Variants in RGS5 observed in about 807,000 individuals in gnomAD.
RGS5 encodes regulator of G-protein signalling 5.
Under a neutral mutation model 18.9 loss-of-function variants are expected in RGS5, and 20 were observed. That is an observed-to-expected ratio of 1.06 (90% CI 0.74 to 1.54). RGS5 has a LOEUF of 1.54. Among genes scored for constraint, RGS5 ranks in the 40% most tolerant of loss-of-function variants. RGS5 has a pLI of 0.00. For synonymous variants in RGS5, 57 were observed against 76.2 expected (o/e 0.75, Z 1.31); for missense variants, 201 against 211.8 (o/e 0.95, Z 0.32).
At chr1:163,148,940 G>A (rs531965723) in intron 4 of RGS5, among the ~76,000 whole-genome samples, 281 of 152,328 alleles carry the variant, frequency 1.8e-3, no homozygotes, top group Non-Finnish European at 3.3e-3. Flanking sequence ...AGAGGTTTTT[G>A]GTACTGAATA....
At chr1:163,211,206 T>C (rs1251984272) in intron 1 of RGS5, 1 of 152,142 alleles carries the variant, frequency 6.6e-6, no homozygotes, top group African/African-American at 2.4e-5. Context: ...AGCAAAGATT[T>C]CTTTTTTCAG....
chr1:163,250,822 T>C lies in RGS5; in HGVS notation c.-281+55411A>G, dbSNP rs115999317. On this transcript the variant is annotated intron_variant, in intron 2 of 5. Transcript: ENST00000618415. Reference sequence around the variant, plus strand: ...TAGGGTTGTCTGAGCAGTTGGAATTTATGATCTATAAAACTCCATCCATAA... The same window carrying C: ...TAGGGTTGTCTGAGCAGTTGGAATTCATGATCTATAAAACTCCATCCATAA... 6.1e-3 allele frequency among the ~76,000 whole-genome samples: 929 copies of C among 152,328 alleles called. 16 individuals are homozygous for C. Among genetic ancestry groups the C allele is most frequent in the African/African-American group, 0.02 (832 of 41,578 alleles).
chr1:163,191,218 T>C (rs1435306878), intron 1 of RGS5, among the ~76,000 whole-genome samples: 1 of 152,050 alleles, frequency 6.6e-6, no homozygotes, highest in Non-Finnish European at 1.5e-5. Flanking sequence ...GGCAGGAACA[T>C]AGCTGGCAAG....
chr1:163,193,413 TAA>T (rs1418894576), intron 1 of RGS5, among the ~76,000 whole-genome samples: 1 of 152,166 alleles, frequency 6.6e-6, no homozygotes, highest in Non-Finnish European at 1.5e-5. Flanking sequence ...AAATTCAGGT[TAA>T]GTTATTCTAC....
At chr1:163,205,365 AAAAAGGAGAGAGCC>A (rs1659923699), upstream of RGS5, among the ~76,000 whole-genome samples, 3 of 151,370 alleles carry the variant, frequency 2.0e-5, no homozygotes, top group South Asian at 6.2e-4. Context: ...AAAAAAAAAA[AAAAAGGAGAGAGCC>A]TACTACGTAA....
chr1:163,314,601 T>C lies in RGS5; in HGVS notation c.-378+7021A>G, dbSNP rs200635701. 1.1e-4 allele frequency among the ~76,000 whole-genome samples: 16 copies of C among 152,274 alleles called. No homozygotes were observed. In the East Asian group the frequency reaches 2.3e-3, roughly 22 times the overall value. ...CTTATCCCCAAATTTTTCTGATTTA[T>C]GATAGTTATTATGAGTTTCATTTTT... On this transcript the variant is annotated intron_variant, in intron 1 of 5. Transcript: ENST00000618415.
intron 2 of RGS5, chr1:163,238,863 G>A (rs1381573645): frequency 1.8e-5 from 3 of 167,440 alleles, no homozygotes; most frequent in African/African-American, 7.2e-5. Flanking sequence ...TTGCAAAAGT[G>A]GATTTGAGGT....
intron 2 of RGS5, among the ~76,000 whole-genome samples, chr1:163,273,232 T>C (rs1426523174): frequency 6.6e-6 from 1 of 152,164 alleles, no homozygotes; most frequent in Non-Finnish European, 1.5e-5. Flanking sequence ...GAGCGTTCTA[T>C]AAATGTCAGT....
intron 2 of RGS5, among the ~76,000 whole-genome samples, chr1:163,233,562 T>C (rs549772737): frequency 6.6e-6 from 1 of 152,328 alleles, no homozygotes; most frequent in South Asian, 2.1e-4. Context: ...AAACAGGCTT[T>C]GTGTGAGCAA....
intron 2 of RGS5, among the ~76,000 whole-genome samples, chr1:163,240,201 C>A (rs1363671940): frequency 6.6e-6 from 1 of 151,716 alleles, no homozygotes; most frequent in African/African-American, 2.4e-5. Context: ...AAATTAGAAT[C>A]CATTCAAATG....
At chr1:163,195,600 A>C (rs1331907612) in intron 1 of RGS5, among the ~76,000 whole-genome samples, 1 of 151,762 alleles carries the variant, frequency 6.6e-6, no homozygotes, top group Non-Finnish European at 1.5e-5. Flanking sequence ...ATAATTTAAA[A>C]TATATATATA....
intron 2 of RGS5, among the ~76,000 whole-genome samples, chr1:163,279,740 T>A (rs1233835712): frequency 2.0e-5 from 3 of 151,776 alleles, no homozygotes; most frequent in African/African-American, 7.3e-5. Context: ...GGATTTTTGA[T>A]AAGATAAAGA....
In RGS5 at chr1:163,298,447, G is replaced by C. The variant is rs139272034; in HGVS notation, c.-281+7786C>G. Among the ~76,000 whole-genome samples, 8 of 152,194 alleles carry C rather than the reference G, an allele frequency of 5.3e-5. No individual in the cohort carries two copies. The East Asian group carries it at 1.5e-3, about 29-fold the overall frequency. The stretch of plus-strand genomic sequence containing the variant: ...GGACTTGAAGAGGGGCCAGATGATA[G>C]AAGTTTTTATAGCATCCTGAGCTAA... On this transcript the variant is annotated intron_variant, in intron 2 of 5. Transcript: ENST00000618415.
At chr1:163,210,056 C>T (rs867561034) in intron 1 of RGS5, among the ~76,000 whole-genome samples, 11 of 151,874 alleles carry the variant, frequency 7.2e-5, no homozygotes, top group African/African-American at 2.4e-4. Flanking sequence ...GTGGTGCAAT[C>T]TCAGCTCACT....
chr1:163,313,426 C>A (rs1292264427), intron 1 of RGS5, among the ~76,000 whole-genome samples: 3 of 152,122 alleles, frequency 2.0e-5, no homozygotes, highest in Admixed American at 2.0e-4. Flanking sequence ...GAACTTTATT[C>A]TCTCTTTGGA....
At chr1:163,290,927 A>G (rs377231435) in intron 2 of RGS5, among the ~76,000 whole-genome samples, 1 of 152,278 alleles carries the variant, frequency 6.6e-6, no homozygotes, top group Non-Finnish European at 1.5e-5. Context: ...AAAGGCCAAC[A>G]TTATTTGTAA....
intron 2 of RGS5, among the ~76,000 whole-genome samples, chr1:163,235,306 C>T (rs769878252): frequency 6.6e-6 from 1 of 152,156 alleles, no homozygotes; most frequent in Non-Finnish European, 1.5e-5. Flanking sequence ...TTAAGCTAGA[C>T]ACCTCTGAAC....
upstream of RGS5, among the ~76,000 whole-genome samples, chr1:163,220,858 G>C (rs10047157): frequency 0.35 from 53,010 of 151,948 alleles, 9,589 homozygotes; most frequent in African/African-American, 0.41. Flanking sequence ...GGAAGTAAAA[G>C]TTTGGAGTGG....
At chr1:163,221,333 A>G (rs546970907), upstream of RGS5, among the ~76,000 whole-genome samples, 9 of 152,244 alleles carry the variant, frequency 5.9e-5, no homozygotes, top group African/African-American at 2.2e-4. Context: ...CTCCATCTCT[A>G]CTACAATATA....
Sources: allele counts gnomAD v4.1 joint callset (sites outside exome capture counted in the v4.1 genomes callset), GRCh38; gene constraint gnomAD v4.1.1; transcripts MANE v1.5; gene names NCBI Gene and HGNC (gene_info 2026-07-23, HGNC 2026-07-21).